Variants in MAP3K7CL observed in about 807,000 individuals in gnomAD.
MAP3K7CL encodes MAP3K7 C-terminal like, also known as MAP3K7 C-terminal-like protein.
In MAP3K7CL, 16 loss-of-function variants were observed where a neutral mutation model predicts 18.6. The ratio of observed to expected loss-of-function variants is 0.86; its 90% CI spans 0.58 to 1.31. MAP3K7CL has a LOEUF of 1.31. MAP3K7CL is among the 50% of genes most tolerant of loss of function. The pLI is 0.00. For missense variants in MAP3K7CL, 163 were observed against 174.4 expected (o/e 0.93, Z 0.37); for synonymous variants, 65 against 66.8 (o/e 0.97, Z 0.13).
At chr21:29,132,402 A>G (rs1353368687) in intron 1 of MAP3K7CL, among the ~76,000 whole-genome samples, 1 of 152,158 alleles carries the variant, frequency 6.6e-6, no homozygotes. Context: ...GAGTGTTAAG[A>G]TGTGCATCCT....
intron 4 of MAP3K7CL, among the ~76,000 whole-genome samples, chr21:29,101,511 C>A (rs2086229679): frequency 6.6e-6 from 1 of 152,194 alleles, no homozygotes; most frequent in Non-Finnish European, 1.5e-5. Context: ...CCGGATTCAG[C>A]CATTCTCCTG....
chr21:29,163,222 G>A (rs573387399), intron 4 of MAP3K7CL, among the ~76,000 whole-genome samples: 157 of 152,158 alleles, frequency 1.0e-3, no homozygotes, highest in Non-Finnish European at 1.6e-3. Flanking sequence ...CAAGTGGGCC[G>A]GACCCCCTCC....
intron 2 of MAP3K7CL, among the ~76,000 whole-genome samples, chr21:29,141,199 A>G (rs1221084896): frequency 1.3e-5 from 2 of 152,332 alleles, no homozygotes; most frequent in East Asian, 3.9e-4. Flanking sequence ...AATAATAGTG[A>G]ATAGGTGTTT....
chr21:29,101,484 A>C (rs925090729), intron 4 of MAP3K7CL, among the ~76,000 whole-genome samples: 7 of 152,122 alleles, frequency 4.6e-5, no homozygotes, highest in African/African-American at 1.7e-4. Flanking sequence ...ATCTCTGCTC[A>C]CTGCAAGCTC....
intron 4 of MAP3K7CL, among the ~76,000 whole-genome samples, chr21:29,119,485 A>G (rs2086557091): frequency 6.6e-6 from 1 of 152,156 alleles, no homozygotes; most frequent in Non-Finnish European, 1.5e-5. Flanking sequence ...GGTCTGGCAC[A>G]CAGGGTCACT....
chr21:29,150,350 G>A (rs1472090128), intron 3 of MAP3K7CL, among the ~76,000 whole-genome samples: 1 of 152,198 alleles, frequency 6.6e-6, no homozygotes, highest in Non-Finnish European at 1.5e-5. Flanking sequence ...AAGAGCTGGT[G>A]TTCTACTGCC....
intron 1 of MAP3K7CL, 198 bp downstream of exon 1, chr21:29,131,121 C>T (rs1484850142): frequency 6.3e-6 from 1 of 157,658 alleles, no homozygotes; most frequent in Non-Finnish European, 1.4e-5. Flanking sequence ...TTGCCACCAT[C>T]CTTTCATAGG....
At position 29,089,794 on chromosome 21, in the gene MAP3K7CL, GAGGA is replaced by G. The variant is rs201860654; in HGVS notation, c.58-1692_58-1689del. On this transcript the variant is annotated intron_variant, in intron 1 of 6. Coordinates refer to the MAP3K7CL transcript ENST00000286791. ...GTTCAAGAGTGAAAGCAAGAAAAAA[GAGGA>G]AGGAAGGAAGGAAGAAAGGGAGGAA... 5.0e-3 allele frequency among the ~76,000 whole-genome samples: 750 copies of G among 150,302 alleles called. 6 individuals are homozygous for G. Among genetic ancestry groups the G allele is most frequent in the Middle Eastern group, 0.021 (6 of 292 alleles).
intron 1 of MAP3K7CL, chr21:29,077,862 A>T (rs912303064): frequency 1.3e-5 from 2 of 152,276 alleles, no homozygotes; most frequent in Non-Finnish European, 2.9e-5. Flanking sequence ...TGGGATCCTC[A>T]TGTTAGGTGC....
intron 2 of MAP3K7CL, among the ~76,000 whole-genome samples, chr21:29,141,564 CT>C (rs2087009766): frequency 6.6e-6 from 1 of 151,736 alleles, no homozygotes. Context: ...AATCAAGTCT[CT>C]TTTTTGCATA....
At chr21:29,096,355 T>C (rs2086121667) in intron 4 of MAP3K7CL, among the ~76,000 whole-genome samples, 1 of 152,226 alleles carries the variant, frequency 6.6e-6, no homozygotes, top group South Asian at 2.1e-4. Context: ...GCTCAGAGTC[T>C]AGTGGTAAAG....
At chr21:29,118,347 A>AGTGTCTTTTCTCCAT (rs1399629735) in intron 4 of MAP3K7CL, among the ~76,000 whole-genome samples, 1 of 109,284 alleles carries the variant, frequency 9.2e-6, no homozygotes, top group African/African-American at 3.7e-5. Context: ...GGCCTCCCAA[A>AGTGTCTTTTCTCCAT]GTGTCTTAAC....
chr21:29,120,517 T>C (rs1415532662), intron 4 of MAP3K7CL, among the ~76,000 whole-genome samples: 2 of 152,206 alleles, frequency 1.3e-5, no homozygotes, highest in African/African-American at 4.8e-5. Flanking sequence ...ATCATGGGTA[T>C]GAAAAGGGCC....
At chr21:29,132,892 T>C (rs1436339873) in intron 1 of MAP3K7CL, among the ~76,000 whole-genome samples, 1 of 152,200 alleles carries the variant, frequency 6.6e-6, no homozygotes, top group Non-Finnish European at 1.5e-5. Context: ...TTTAGGCTTT[T>C]GAACATGAAA....
chr21:29,150,918 T>C (rs2087256726), intron 3 of MAP3K7CL, among the ~76,000 whole-genome samples: 1 of 151,746 alleles, frequency 6.6e-6, no homozygotes, highest in African/African-American at 2.4e-5. Context: ...TACAGGCATG[T>C]GCCACCACGC....
chr21:29,120,381 T>G (rs1202587749), intron 4 of MAP3K7CL, among the ~76,000 whole-genome samples: 1 of 152,202 alleles, frequency 6.6e-6, no homozygotes, highest in Admixed American at 6.5e-5. Context: ...ACAAATTAGC[T>G]CTTACACTTT....
intron 4 of MAP3K7CL, among the ~76,000 whole-genome samples, chr21:29,105,022 C>T (rs1448801933): frequency 1.3e-5 from 2 of 152,164 alleles, no homozygotes; most frequent in Non-Finnish European, 2.9e-5. Flanking sequence ...AAGACTTTCC[C>T]ACATGTTTCC....
chr21:29,132,850 T>C (rs2086805778), intron 1 of MAP3K7CL, among the ~76,000 whole-genome samples: 1 of 152,190 alleles, frequency 6.6e-6, no homozygotes, highest in African/African-American at 2.4e-5. Context: ...AACCCATTCT[T>C]TGCCACTCTC....
chr21:29,172,209 T>C (rs2087851667), intron 4 of MAP3K7CL, among the ~76,000 whole-genome samples: 1 of 151,538 alleles, frequency 6.6e-6, no homozygotes, highest in African/African-American at 2.4e-5. Context: ...TTTTTTCAGT[T>C]CAGAATAGCA....
Sources: allele counts gnomAD v4.1 joint callset (sites outside exome capture counted in the v4.1 genomes callset), GRCh38; gene constraint gnomAD v4.1.1; transcripts MANE v1.5; gene names NCBI Gene and HGNC (gene_info 2026-07-23, HGNC 2026-07-21).